AGBL4: variants seen among roughly 807,000 people sequenced by gnomAD.
The protein encoded by AGBL4 is AGBL carboxypeptidase 4.
Under a neutral mutation model 66.4 loss-of-function variants are expected in AGBL4, and 58 were observed. That is an observed-to-expected ratio of 0.87 (90% CI 0.71 to 1.09). The LOEUF (loss-of-function observed/expected upper bound fraction) is 1.09, where lower values mean the gene tolerates loss of function less well. AGBL4 is among the 50% of genes least tolerant of loss of function. The probability of loss-of-function intolerance (pLI) is 0.00; values close to 1 mark genes in which losing one functional copy is unlikely to be tolerated. For synonymous variants in AGBL4, 234 were observed against 222.9 expected (o/e 1.05, Z -0.44); for missense variants, 579 against 631.0 (o/e 0.92, Z 0.88).
chr1:49,916,264 C>T (rs1245840376), intron 1 of AGBL4, among the ~76,000 whole-genome samples: 1 of 152,138 alleles, frequency 6.6e-6, no homozygotes, highest in Non-Finnish European at 1.5e-5. Flanking sequence ...GAGAAGAGGG[C>T]TTCAGACAAT....
intron 1 of AGBL4, among the ~76,000 whole-genome samples, chr1:49,974,742 T>C (rs1658421142): frequency 6.6e-6 from 1 of 152,212 alleles, no homozygotes; most frequent in Non-Finnish European, 1.5e-5. Flanking sequence ...AAGTAACATG[T>C]GTGCTGATGG....
chr1:49,878,123 C>T (rs12059442), intron 1 of AGBL4, among the ~76,000 whole-genome samples: 92,964 of 138,530 alleles, frequency 0.67, 32,135 homozygotes, highest in African/African-American at 0.76. Flanking sequence ...CCTGGATTCA[C>T]TGATTTTTTG....
At chr1:49,496,740 G>A (rs1647618351) in intron 3 of AGBL4, among the ~76,000 whole-genome samples, 2 of 151,856 alleles carry the variant, frequency 1.3e-5, no homozygotes, top group South Asian at 4.2e-4. Flanking sequence ...CATTGTGTAT[G>A]TATACCACAT....
At chr1:49,067,520 C>G (rs1176310223) in intron 4 of AGBL4, among the ~76,000 whole-genome samples, 1 of 152,152 alleles carries the variant, frequency 6.6e-6, no homozygotes, top group East Asian at 1.9e-4. Flanking sequence ...TTTCCATTTA[C>G]TGTTCTCTCT....
chr1:48,992,204 G>A (rs1290689940), intron 5 of AGBL4, among the ~76,000 whole-genome samples: 1 of 151,822 alleles, frequency 6.6e-6, no homozygotes, highest in Non-Finnish European at 1.5e-5. Flanking sequence ...AGCCATATCT[G>A]CATTAAGGGG....
intron 3 of AGBL4, among the ~76,000 whole-genome samples, chr1:49,670,477 T>C (rs1301056299): frequency 2.0e-5 from 3 of 152,174 alleles, no homozygotes; most frequent in Non-Finnish European, 2.9e-5. Context: ...ATTGGGGCTA[T>C]GACAGAACAG....
At chr1:48,524,659 A>G in the AGBL4 span, among the ~76,000 whole-genome samples, 1 of 152,206 alleles carries the variant, frequency 6.6e-6, no homozygotes, top group Non-Finnish European at 1.5e-5. Context: ...AGATTTGACA[A>G]TGATCTGTCA....
chr1:49,977,146 C>T (rs144816025), intron 1 of AGBL4, among the ~76,000 whole-genome samples: 167 of 152,300 alleles, frequency 1.1e-3, no homozygotes, highest in African/African-American at 3.8e-3. Flanking sequence ...CTTTCATTCA[C>T]TTCACCTCCC....
At chr1:49,027,444 T>A (rs1047511765) in intron 5 of AGBL4, among the ~76,000 whole-genome samples, 3 of 152,106 alleles carry the variant, frequency 2.0e-5, no homozygotes, top group Non-Finnish European at 4.4e-5. Context: ...ATTATAGGCA[T>A]GAGCCACCGT....
intron 3 of AGBL4, among the ~76,000 whole-genome samples, chr1:49,577,151 A>G (rs1644453649): frequency 6.6e-6 from 1 of 152,246 alleles, no homozygotes; most frequent in South Asian, 2.1e-4. Context: ...ACATGGTCAA[A>G]AACTGTGAAA....
chr1:49,043,303 C>T (rs984771239), intron 5 of AGBL4, among the ~76,000 whole-genome samples: 18 of 152,116 alleles, frequency 1.2e-4, no homozygotes, highest in African/African-American at 4.3e-4. Flanking sequence ...TTGTGTTGGC[C>T]AATATGGACT....
intron 4 of AGBL4, among the ~76,000 whole-genome samples, chr1:49,084,605 C>A (rs1447668818): frequency 1.3e-5 from 2 of 152,156 alleles, no homozygotes; most frequent in African/African-American, 2.4e-5. Flanking sequence ...CTGCCCTTGA[C>A]ACATGGGGAT....
chr1:49,081,859 T>C lies in AGBL4; in HGVS notation c.378-36059A>G, dbSNP rs1466566065. On this transcript the variant is annotated intron_variant, in intron 4 of 13. Coordinates refer to ENST00000371839, the MANE Select transcript of AGBL4 (RefSeq NM_032785.4). Reference sequence around the variant, plus strand: ...GTCAGAGGAGCTAGAGATAGGAAACTTGAAAATGTCAATCCATGAAGAGTA... The same window carrying C: ...GTCAGAGGAGCTAGAGATAGGAAACCTGAAAATGTCAATCCATGAAGAGTA... Among the ~76,000 whole-genome samples, 2 of 152,212 alleles carry C rather than the reference T, an allele frequency of 1.3e-5. 1 individual carries two copies. The highest frequency in any genetic ancestry group is 4.8e-5 in the African/African-American group (2 of 41,456).
intron 3 of AGBL4, among the ~76,000 whole-genome samples, chr1:49,334,321 C>T (rs1645392756): frequency 6.6e-6 from 1 of 152,170 alleles, no homozygotes; most frequent in Admixed American, 6.5e-5. Context: ...CAAATGACCT[C>T]ATACTTCTCT....
At chr1:49,612,438 A>G (rs1205335084) in intron 3 of AGBL4, among the ~76,000 whole-genome samples, 3 of 152,216 alleles carry the variant, frequency 2.0e-5, no homozygotes, top group East Asian at 1.9e-4. Flanking sequence ...TGAATGAAAA[A>G]TGAAAAAAAT....
rs143621511 is a variant in AGBL4, at chr1:49,901,468, T to G, written c.35-49950A>C. On this transcript the variant is annotated intron_variant, in intron 1 of 13. Coordinates refer to ENST00000371839, the MANE Select transcript of AGBL4 (RefSeq NM_032785.4). ...TGTCACAAAAAAAGAATAAAATACA[T>G]AGGAATACAGCTAACCAGCAAGGTG... 1.2e-3 allele frequency among the ~76,000 whole-genome samples: 182 copies of G among 152,128 alleles called. 1 individual carries two copies. The Middle Eastern group carries it at 0.014, about 11-fold the overall frequency.
At chr1:49,587,681 C>A (rs1644677321) in intron 3 of AGBL4, among the ~76,000 whole-genome samples, 1 of 151,992 alleles carries the variant, frequency 6.6e-6, no homozygotes, top group African/African-American at 2.4e-5. Flanking sequence ...AGTTCCTTGG[C>A]AACACAACAG....
chr1:49,710,393 A>C (rs1325798469), intron 2 of AGBL4, among the ~76,000 whole-genome samples: 1 of 152,108 alleles, frequency 6.6e-6, no homozygotes, highest in Admixed American at 6.6e-5. Context: ...TAAAAATGAG[A>C]CCATATGGGT....
intron 4 of AGBL4, among the ~76,000 whole-genome samples, chr1:49,127,906 A>C (rs1166861652): frequency 6.6e-6 from 1 of 152,144 alleles, no homozygotes. Flanking sequence ...ACACACAACA[A>C]TGTAAACTCT....
Sources: allele counts gnomAD v4.1 joint callset (sites outside exome capture counted in the v4.1 genomes callset), GRCh38; gene constraint gnomAD v4.1.1; transcripts MANE v1.5; gene names NCBI Gene and HGNC (gene_info 2026-07-23, HGNC 2026-07-21).